Variants in WDFY2 observed in about 807,000 individuals in gnomAD.
The protein encoded by WDFY2 is WD repeat and FYVE domain containing 2, also known as WD repeat and FYVE domain-containing protein 2.
Under a neutral mutation model 56.4 loss-of-function variants are expected in WDFY2, and 36 were observed. That is an observed-to-expected ratio of 0.64 (90% confidence interval 0.49 to 0.84). The LOEUF (loss-of-function observed/expected upper bound fraction) is 0.84. WDFY2 is among the 40% of genes least tolerant of loss of function. The pLI is 0.00. For missense variants in WDFY2, 444 were observed against 512.2 expected (o/e 0.87, Z 1.29); for synonymous variants, 176 against 183.7 (o/e 0.96, Z 0.34).
At chr13:51,712,002 G>T (rs746841615) in intron 4 of WDFY2, among the ~76,000 whole-genome samples, 2 of 152,186 alleles carry the variant, frequency 1.3e-5, no homozygotes, top group Non-Finnish European at 2.9e-5. Flanking sequence ...TATGTTTATT[G>T]TGGCACTATT....
intron 8 of WDFY2, 29 bp from the exon 9 acceptor site, chr13:51,755,329 G>C: frequency 1.9e-6 from 3 of 1,609,786 alleles, no homozygotes; most frequent in East Asian, 4.5e-5. Context: ...GCTGGCCACA[G>C]TGACCTGTTC....
intron 1 of WDFY2, 34 bp downstream of exon 1, chr13:51,584,858 G>T (rs1953905590): frequency 6.2e-7 from 1 of 1,609,924 alleles, no homozygotes. Context: ...GCGAGGAGGG[G>T]CGGGACGGGC....
chr13:51,762,085 T>G lies in WDFY2; in HGVS notation c.*2316T>G, dbSNP rs1283556358. On this transcript the variant is annotated 3_prime_UTR_variant, in exon 12 of 12. Coordinates refer to ENST00000298125, the MANE Select transcript of WDFY2 (RefSeq NM_052950.4). Reference sequence around the variant, plus strand: ...AGCTGCAGCCACTTACTAAGTTGTATGTAATATAGGACTGTGTGTTGGAAA... The same window carrying G: ...AGCTGCAGCCACTTACTAAGTTGTAGGTAATATAGGACTGTGTGTTGGAAA... The G allele has an allele frequency of 6.6e-6, 1 of 152,248 alleles. No homozygotes were observed. The highest frequency in any genetic ancestry group is 1.9e-4 in the East Asian group (1 of 5,206). 9.4% of individuals were successfully genotyped at this position (152,248 alleles called of 1,614,324 possible). A position where few individuals can be genotyped will look rare whatever the true frequency, so the allele number is the denominator to read the frequency against.
intron 1 of WDFY2, chr13:51,586,578 G>A (rs1232939798): frequency 6.6e-6 from 1 of 152,126 alleles, no homozygotes; most frequent in Non-Finnish European, 1.5e-5. Context: ...TGAAACTTCT[G>A]ATTCCCATTT....
At chr13:51,653,763 G>A (rs1191462350) in intron 1 of WDFY2, among the ~76,000 whole-genome samples, 4 of 152,198 alleles carry the variant, frequency 2.6e-5, no homozygotes, top group Admixed American at 6.5e-5. Flanking sequence ...TCGTTCCTCT[G>A]GAAGTTTTGT....
chr13:51,692,486 T>C (rs1005685992), intron 3 of WDFY2, among the ~76,000 whole-genome samples: 3 of 152,236 alleles, frequency 2.0e-5, no homozygotes, highest in Non-Finnish European at 4.4e-5. Context: ...GTTTATATGC[T>C]GGATTACATT....
chr13:51,619,521 G>A (rs1954686967), intron 1 of WDFY2, among the ~76,000 whole-genome samples: 2 of 152,064 alleles, frequency 1.3e-5, no homozygotes, highest in South Asian at 2.1e-4. Context: ...ATGAAAACTA[G>A]GACTTTCAGA....
At chr13:51,642,659 A>G (rs1030131193) in intron 1 of WDFY2, among the ~76,000 whole-genome samples, 1 of 147,106 alleles carries the variant, frequency 6.8e-6, no homozygotes, top group African/African-American at 2.5e-5. Flanking sequence ...CTTCGTGACC[A>G]GCCTGTGGGC....
intron 1 of WDFY2, among the ~76,000 whole-genome samples, chr13:51,638,887 A>G (rs1234258649): frequency 6.6e-6 from 1 of 152,226 alleles, no homozygotes; most frequent in Non-Finnish European, 1.5e-5. Context: ...ATTCTTTGGA[A>G]TTTCAGAATC....
intron 4 of WDFY2, among the ~76,000 whole-genome samples, chr13:51,707,350 G>A (rs1012863645): frequency 6.6e-6 from 1 of 152,112 alleles, no homozygotes; most frequent in Non-Finnish European, 1.5e-5. Context: ...GTAGAGATGA[G>A]GTTTTGCCAT....
intron 1 of WDFY2, among the ~76,000 whole-genome samples, chr13:51,645,989 A>G (rs1955255467): frequency 6.6e-6 from 1 of 152,202 alleles, no homozygotes; most frequent in African/African-American, 2.4e-5. Flanking sequence ...TGACACCACC[A>G]TTCATATGAC....
At chr13:51,686,593 T>C (rs1956066018) in intron 3 of WDFY2, among the ~76,000 whole-genome samples, 2 of 152,290 alleles carry the variant, frequency 1.3e-5, no homozygotes, top group South Asian at 4.1e-4. Context: ...CTTTTGGTGT[T>C]CATTACTTGC....
At chr13:51,600,842 A>G (rs1954262249) in intron 1 of WDFY2, among the ~76,000 whole-genome samples, 1 of 152,214 alleles carries the variant, frequency 6.6e-6, no homozygotes, top group South Asian at 2.1e-4. Flanking sequence ...TAGTAGCGGA[A>G]TAATGAACAC....
intron 3 of WDFY2, among the ~76,000 whole-genome samples, chr13:51,698,385 A>T (rs1038587801): frequency 4.6e-5 from 7 of 152,230 alleles, no homozygotes; most frequent in African/African-American, 1.7e-4. Flanking sequence ...ACAATAATCA[A>T]TTACTTTTAT....
intron 3 of WDFY2, among the ~76,000 whole-genome samples, chr13:51,679,319 T>C (rs923679206): frequency 6.6e-6 from 1 of 152,242 alleles, no homozygotes; most frequent in Non-Finnish European, 1.5e-5. Context: ...TATATATCTT[T>C]ATAAATACTT....
At chr13:51,589,018 A>T (rs542730454) in intron 1 of WDFY2, 3 of 152,312 alleles carry the variant, frequency 2.0e-5, no homozygotes, top group Admixed American at 6.5e-5. Context: ...TTTATACAAC[A>T]TAGGCCCTGC....
At chr13:51,718,559 T>TACACACACACACAC (rs71192015) in intron 4 of WDFY2, among the ~76,000 whole-genome samples, 31 of 138,756 alleles carry the variant, frequency 2.2e-4, no homozygotes, top group Admixed American at 7.3e-4. Context: ...TTATCATTCA[T>TACACACACACACAC]ACACACACAC....
At chr13:51,702,066 C>G (rs1241175383) in intron 3 of WDFY2, among the ~76,000 whole-genome samples, 1 of 152,132 alleles carries the variant, frequency 6.6e-6, no homozygotes, top group Non-Finnish European at 1.5e-5. Context: ...AATCCCAGCA[C>G]TTTGGGAGGC....
chr13:51,737,551 T>TAAAAAAAAAAAAAA (rs67418551), intron 6 of WDFY2, among the ~76,000 whole-genome samples: 3 of 53,240 alleles, frequency 5.6e-5, no homozygotes, highest in African/African-American at 1.8e-4. Context: ...ACAATGAATT[T>TAAAAAAAAAAAAAA]AAAAAAAAAA....
Sources: allele counts gnomAD v4.1 joint callset (sites outside exome capture counted in the v4.1 genomes callset), GRCh38; gene constraint gnomAD v4.1.1; transcripts MANE v1.5; gene names NCBI Gene and HGNC (gene_info 2026-07-23, HGNC 2026-07-21).